Variants in ARHGEF38 observed in about 807,000 individuals in gnomAD.
The protein encoded by ARHGEF38 is Rho guanine nucleotide exchange factor 38, also known as Rho guanine nucleotide exchange factor (GEF) 38.
Under a neutral mutation model 79.9 loss-of-function variants are expected in ARHGEF38, and 79 were observed. The observed-to-expected ratio is 0.99, with a 90% CI of 0.82 to 1.19. The LOEUF is 1.19. Ranked by LOEUF, ARHGEF38 falls within the 50% of genes most tolerant of loss-of-function variation. The pLI is 0.00. For missense variants in ARHGEF38, 962 were observed against 907.2 expected, an observed-to-expected ratio of 1.06 and a Z score of -0.78; for synonymous variants, 366 against 328.3, an observed-to-expected ratio of 1.11 and a Z score of -1.24.
intron 1 of ARHGEF38, among the ~76,000 whole-genome samples, chr4:105,574,948 C>CAT (rs1198932212): frequency 2.0e-5 from 3 of 151,482 alleles, no homozygotes; most frequent in East Asian, 1.9e-4. Flanking sequence ...TTCCATAGCA[C>CAT]ATATATATAT....
At chr4:105,555,130 C>T (rs1051414701) in intron 1 of ARHGEF38, among the ~76,000 whole-genome samples, 14 of 152,282 alleles carry the variant, frequency 9.2e-5, no homozygotes, top group South Asian at 4.1e-4. Context: ...AGACTTCTTA[C>T]GCACTTCATT....
chr4:105,643,534 C>A (rs1037155624), intron 5 of ARHGEF38, among the ~76,000 whole-genome samples: 2 of 152,100 alleles, frequency 1.3e-5, no homozygotes, highest in South Asian at 2.1e-4. Context: ...CATTTATTCA[C>A]GTTTTTGGAA....
At chr4:105,666,644 A>G (rs1364498301) in intron 11 of ARHGEF38, among the ~76,000 whole-genome samples, 1 of 152,184 alleles carries the variant, frequency 6.6e-6, no homozygotes, top group East Asian at 1.9e-4. Context: ...TTCCTTTTCT[A>G]CATAAGGCAT....
intron 5 of ARHGEF38, among the ~76,000 whole-genome samples, chr4:105,642,608 G>C (rs1307992895): frequency 6.6e-6 from 1 of 152,040 alleles, no homozygotes; most frequent in African/African-American, 2.4e-5. Flanking sequence ...AGGAATAGAA[G>C]AAACTACTGA....
rs1560684101 is a variant in ARHGEF38 at position 105,561,404 on chromosome 4, A to AGAATAGAATG, written c.196+8452_196+8453insGGAATAGAAT. Among the ~76,000 whole-genome samples the AGAATAGAATG allele has an allele frequency of 1.6e-3, 61 of 37,832 alleles. 3 individuals carry two copies. Among genetic ancestry groups the AGAATAGAATG allele is most frequent in the Non-Finnish European group, 2.8e-3 (49 of 17,768 alleles). 24.8% of individuals were successfully genotyped at this position (37,832 alleles called of 152,430 possible). On this transcript the variant is annotated intron_variant, in intron 1 of 13. Transcript: ENST00000420470. Reference sequence around the variant, plus strand: ...AGTCTCAAAAATAGAGTAGAATAATAGAATAGAATAGAATAGAATGGAATA... The same window carrying AGAATAGAATG: ...AGTCTCAAAAATAGAGTAGAATAATAGAATAGAATGGAATAGAATAGAATAGAATGGAATA...
chr4:105,603,943 C>G (rs1272827165), intron 2 of ARHGEF38, among the ~76,000 whole-genome samples: 1 of 152,158 alleles, frequency 6.6e-6, no homozygotes, highest in African/African-American at 2.4e-5. Flanking sequence ...GAAATTGATG[C>G]CTCAACTGAA....
intron 13 of ARHGEF38, among the ~76,000 whole-genome samples, chr4:105,672,814 C>T (rs565065767): frequency 2.0e-5 from 3 of 152,268 alleles, no homozygotes; most frequent in Non-Finnish European, 2.9e-5. Flanking sequence ...TTGTTCTGGT[C>T]GGACTAAGGA....
At chr4:105,598,038 A>G (rs1247842671) in intron 2 of ARHGEF38, among the ~76,000 whole-genome samples, 1 of 151,664 alleles carries the variant, frequency 6.6e-6, no homozygotes, top group Non-Finnish European at 1.5e-5. Flanking sequence ...TTGTGTTTTC[A>G]GAGGGGTAGA....
intron 1 of ARHGEF38, among the ~76,000 whole-genome samples, chr4:105,554,724 A>G (rs1725172343): frequency 1.4e-5 from 2 of 147,198 alleles, no homozygotes; most frequent in Middle Eastern, 3.5e-3. Flanking sequence ...CTTGCCACAT[A>G]GTGTTGTTGG....
At chr4:105,637,701 G>A (rs1560738219) in intron 5 of ARHGEF38, among the ~76,000 whole-genome samples, 2 of 152,084 alleles carry the variant, frequency 1.3e-5, no homozygotes, top group Admixed American at 1.3e-4. Context: ...TCTAAAGCTT[G>A]CATTAGGTCT....
chr4:105,636,721 A>G (rs1431413037), intron 5 of ARHGEF38, among the ~76,000 whole-genome samples: 2 of 152,098 alleles, frequency 1.3e-5, no homozygotes, highest in Non-Finnish European at 2.9e-5. Flanking sequence ...AATGTGTCCA[A>G]AAACACTTCT....
intron 7 of ARHGEF38, among the ~76,000 whole-genome samples, chr4:105,651,583 A>G (rs528982230): frequency 1.2e-4 from 19 of 152,326 alleles, no homozygotes; most frequent in African/African-American, 4.3e-4. Context: ...TAAAGACAAC[A>G]TATCTGTCAC....
At chr4:105,575,342 G>A (rs1297422787) in intron 1 of ARHGEF38, among the ~76,000 whole-genome samples, 3 of 152,008 alleles carry the variant, frequency 2.0e-5, no homozygotes, top group Admixed American at 1.3e-4. Flanking sequence ...TTTTGATAAT[G>A]GCCATTCTTA....
intron 2 of ARHGEF38, among the ~76,000 whole-genome samples, chr4:105,610,981 G>GA (rs1728270634): frequency 6.6e-6 from 1 of 152,052 alleles, no homozygotes; most frequent in South Asian, 2.1e-4. Context: ...TCCTGGTAAA[G>GA]AACGAAGGCA....
chr4:105,613,514 T>G lies in ARHGEF38; in HGVS notation c.508+7T>G, dbSNP rs766814346. 6.2e-7 allele frequency: 1 copy of G among 1,612,036 alleles called. No homozygotes were observed. Among genetic ancestry groups the G allele is most frequent in the South Asian group, 1.1e-5 (1 of 90,688 alleles). On this transcript the variant is annotated splice_region_variant and intron_variant, in intron 3 of 13. Coordinates refer to ENST00000420470, the MANE Select transcript of ARHGEF38 (RefSeq NM_001242729.2). The stretch of plus-strand genomic sequence containing the variant: ...CCGGCCATGCAAGTAATTGGTATGT[T>G]TATTCTCTTCTCGAGTTCTACAATA...
At chr4:105,644,233 T>A (rs1729744998) in intron 5 of ARHGEF38, among the ~76,000 whole-genome samples, 1 of 152,212 alleles carries the variant, frequency 6.6e-6, no homozygotes, top group Non-Finnish European at 1.5e-5. Flanking sequence ...GTTTTACTAT[T>A]CTAATAATAT....
chr4:105,648,803 G>C, intron 7 of ARHGEF38, 121 bp downstream of exon 7: 1 of 936,264 alleles, frequency 1.1e-6, no homozygotes, highest in Admixed American at 3.2e-5. Context: ...ATTGCCCTAT[G>C]CTGTTCTCTT....
intron 3 of ARHGEF38, among the ~76,000 whole-genome samples, chr4:105,625,052 C>A (rs569616180): frequency 6.8e-4 from 104 of 152,160 alleles, no homozygotes; most frequent in Non-Finnish European, 1.4e-3. Flanking sequence ...AGATAACTTC[C>A]TTTTGGGATA....
At position 105,631,026 on chromosome 4, in the gene ARHGEF38, C is replaced by T. The variant is rs374218147; in HGVS notation, c.637C>T (p.His213Tyr). The T allele has an allele frequency of 1.9e-6, 3 of 1,613,126 alleles. No individual in the cohort carries two copies. The African/African-American group carries it at 4.0e-5, about 22-fold the overall frequency. Residue 213 changes from histidine (H) to tyrosine (Y), a missense_variant, in exon 4 of 14, where the codon CAC becomes TAC. Coordinates refer to ENST00000420470, the MANE Select transcript of ARHGEF38 (RefSeq NM_001242729.2). Reference protein sequence around the residue: ...KEEELKEHLSHCIQSLKKIYM... With the variant: ...KEEELKEHLSYCIQSLKKIYM... ...AGAAGAGCTGAAGGAACATTTGAGC[C>T]ACTGTATCCAGTCCTTAAAGTAAGG...
Sources: gnomAD v4.1 joint callset for allele counts (sites outside exome capture counted in the v4.1 genomes callset) on GRCh38, gnomAD v4.1.1 for gene constraint, MANE v1.5 for transcripts, NCBI Gene and HGNC (gene_info 2026-07-23, HGNC 2026-07-21) for gene names.